Variants in ACVR2A observed in about 807,000 individuals in gnomAD.
ACVR2A encodes the protein activin receptor type-2A.
In ACVR2A, 7 loss-of-function variants were observed where a neutral mutation model predicts 61.4. The ratio of observed to expected loss-of-function variants is 0.11; its 90% CI spans 0.06 to 0.21. The LOEUF (loss-of-function observed/expected upper bound fraction) is 0.21, where lower values mean the gene tolerates loss of function less well. Among genes scored for constraint, ACVR2A ranks in the 10% least tolerant of loss-of-function variants. ACVR2A has a pLI of 1.00. For synonymous variants in ACVR2A, 193 were observed against 208.3 expected, an observed-to-expected ratio of 0.93 and a Z score of 0.63; for missense variants, 322 against 621.7, an observed-to-expected ratio of 0.52 and a Z score of 5.13.
At chr2:147,873,373 CA>C (rs1686072692) in intron 1 of ACVR2A, among the ~76,000 whole-genome samples, 1 of 151,916 alleles carries the variant, frequency 6.6e-6, no homozygotes, top group African/African-American at 2.4e-5. Context: ...AATGCATAAT[CA>C]ATATGAACAT....
intron 1 of ACVR2A, among the ~76,000 whole-genome samples, chr2:147,864,634 A>G (rs565525200): frequency 6.6e-6 from 1 of 152,328 alleles, no homozygotes; most frequent in South Asian, 2.1e-4. Context: ...GCTAGGGAAT[A>G]TGAATAAAAG....
chr2:147,927,460 G>A lies in ACVR2A; in HGVS notation c.*186G>A. The A allele has an allele frequency of 1.8e-6, 1 of 552,472 alleles. No individual in the cohort carries two copies. Among genetic ancestry groups the A allele is most frequent in the Non-Finnish European group, 3.1e-6 (1 of 325,170 alleles). The allele number at this position is 552,472 out of a possible 1,614,324, so 34.2% of individuals were successfully genotyped here. On this transcript the variant is annotated 3_prime_UTR_variant, in exon 11 of 11. Coordinates refer to ENST00000241416, the MANE Select transcript of ACVR2A (RefSeq NM_001616.5). ...TTACTGCATTGCCGACAGCACAGAT[G>A]TGAAGGACATGAGACTAAGAGAAAC...
chr2:147,885,704 A>G (rs1686413235), intron 1 of ACVR2A, among the ~76,000 whole-genome samples: 1 of 152,164 alleles, frequency 6.6e-6, no homozygotes, highest in African/African-American at 2.4e-5. Flanking sequence ...CATGATACTT[A>G]CAGGTCACTC....
At chr2:147,864,239 G>T (rs891923645) in intron 1 of ACVR2A, among the ~76,000 whole-genome samples, 1 of 151,514 alleles carries the variant, frequency 6.6e-6, no homozygotes, top group Non-Finnish European at 1.5e-5. Context: ...ATAACTTTTT[G>T]TTTTTTTTGA....
intron 1 of ACVR2A, among the ~76,000 whole-genome samples, chr2:147,890,818 A>G (rs1374196496): frequency 1.3e-5 from 2 of 152,112 alleles, no homozygotes; most frequent in African/African-American, 4.8e-5. Flanking sequence ...TTTTATAATC[A>G]TGATGTTACT....
At chr2:147,895,397 A>G (rs1686704690) in intron 1 of ACVR2A, among the ~76,000 whole-genome samples, 1 of 152,144 alleles carries the variant, frequency 6.6e-6, no homozygotes, top group Admixed American at 6.5e-5. Context: ...TTGTCTCTCC[A>G]GTAAATTGTA....
chr2:147,862,228 G>A (rs1685742245), intron 1 of ACVR2A, among the ~76,000 whole-genome samples: 1 of 151,928 alleles, frequency 6.6e-6, no homozygotes. Context: ...TGGGGAGCCA[G>A]AAGTAGCAAT....
At chr2:147,863,431 A>G (rs75530121) in intron 1 of ACVR2A, among the ~76,000 whole-genome samples, 1,732 of 152,266 alleles carry the variant, frequency 0.011, 38 homozygotes, top group East Asian at 0.052. Flanking sequence ...GAAAATCCAG[A>G]TATAACTTTT....
chr2:147,891,450 A>G (rs533309179), intron 1 of ACVR2A, among the ~76,000 whole-genome samples: 31 of 152,138 alleles, frequency 2.0e-4, no homozygotes, highest in African/African-American at 7.0e-4. Flanking sequence ...GAGGTGGCAG[A>G]CCGCACAACC....
At chr2:147,896,589 C>A in intron 2 of ACVR2A, 81 bp downstream of exon 2, 1 of 1,317,900 alleles carries the variant, frequency 7.6e-7, no homozygotes, top group Non-Finnish European at 1.1e-6. Flanking sequence ...AAGATCAGTG[C>A]ATAAATTTTC....
At chr2:147,903,705 C>T (rs769818853) in intron 4 of ACVR2A, among the ~76,000 whole-genome samples, 44 of 151,950 alleles carry the variant, frequency 2.9e-4, no homozygotes, top group Non-Finnish European at 5.5e-4. Context: ...TTGTAATCCT[C>T]CTTGAAAGAT....
chr2:147,871,691 A>C (rs1686023322), intron 1 of ACVR2A, among the ~76,000 whole-genome samples: 1 of 152,096 alleles, frequency 6.6e-6, no homozygotes, highest in South Asian at 2.1e-4. Flanking sequence ...ATATATATTG[A>C]AAAACTCATT....
At chr2:147,859,494 A>C (rs1258695694) in intron 1 of ACVR2A, among the ~76,000 whole-genome samples, 1 of 151,898 alleles carries the variant, frequency 6.6e-6, no homozygotes, top group African/African-American at 2.4e-5. Context: ...ACAGACAAAA[A>C]AAAAAAAAAG....
chr2:147,849,656 CA>C (rs1685400509), intron 1 of ACVR2A, among the ~76,000 whole-genome samples: 1 of 152,152 alleles, frequency 6.6e-6, no homozygotes, highest in East Asian at 1.9e-4. Flanking sequence ...CCTAGCCAAC[CA>C]AGATAAGAAT....
At chr2:147,860,041 T>C (rs550607230) in intron 1 of ACVR2A, among the ~76,000 whole-genome samples, 5 of 152,258 alleles carry the variant, frequency 3.3e-5, no homozygotes, top group Admixed American at 2.0e-4. Flanking sequence ...GCTTTAGTGA[T>C]AGGACAGGGC....
intron 1 of ACVR2A, among the ~76,000 whole-genome samples, chr2:147,880,109 T>C (rs1025165542): frequency 1.3e-5 from 2 of 152,200 alleles, no homozygotes; most frequent in South Asian, 4.1e-4. Flanking sequence ...ATAGAGGGTT[T>C]ATTTACTTTC....
intron 1 of ACVR2A, among the ~76,000 whole-genome samples, chr2:147,882,810 CAA>C (rs70992180): frequency 0.33 from 49,285 of 151,064 alleles, 8,220 homozygotes; most frequent in East Asian, 0.51. Flanking sequence ...GTATTACAGA[CAA>C]GAGGAAAAAA....
intron 1 of ACVR2A, among the ~76,000 whole-genome samples, chr2:147,878,958 C>T (rs1262775973): frequency 6.6e-6 from 1 of 151,870 alleles, no homozygotes; most frequent in Non-Finnish European, 1.5e-5. Context: ...ATAGAAAAAT[C>T]ATATAAGCTT....
At chr2:147,850,162 T>C (rs1685409350) in intron 1 of ACVR2A, among the ~76,000 whole-genome samples, 1 of 152,146 alleles carries the variant, frequency 6.6e-6, no homozygotes, top group Admixed American at 6.5e-5. Context: ...CTTTCCATTT[T>C]CCTCCCTTCT....
Sources: gnomAD v4.1 joint callset for allele counts (sites outside exome capture counted in the v4.1 genomes callset) on GRCh38, gnomAD v4.1.1 for gene constraint, MANE v1.5 for transcripts, NCBI Gene and HGNC (gene_info 2026-07-23, HGNC 2026-07-21) for gene names.